Variants in KLF8 observed in about 807,000 individuals in gnomAD.
KLF8 encodes the protein Krueppel-like factor 8.
Under a neutral mutation model 18.2 loss-of-function variants are expected in KLF8, and 10 were observed. That is an observed-to-expected ratio of 0.55 (90% CI 0.34 to 0.93). KLF8 has a LOEUF of 0.93. Among genes scored for constraint, KLF8 ranks in the 40% least tolerant of loss-of-function variants. The pLI, the probability that KLF8 is intolerant of heterozygous loss-of-function variation, is 0.02. For synonymous variants in KLF8, 109 were observed against 97.3 expected (o/e 1.12, Z -0.71); for missense variants, 264 against 277.9 (o/e 0.95, Z 0.36).
rs978177461 is a variant in KLF8 at position 56,290,942 on chromosome X, C to A, written c.*6448C>A. ...AAAGCTCTCCTTCCTTTCCTAGAGTCGCTACAAGTAGCTGTGTTGGACATT... is the reference window on the plus strand; with the variant it reads ...AAAGCTCTCCTTCCTTTCCTAGAGTAGCTACAAGTAGCTGTGTTGGACATT... On this transcript the variant is annotated 3_prime_UTR_variant, in exon 6 of 6. Transcript: ENST00000468660. Among the ~76,000 whole-genome samples, 6 of 111,393 alleles carry A rather than the reference C, an allele frequency of 5.4e-5. No homozygotes were observed. Among genetic ancestry groups the A allele is most frequent in the South Asian group, 3.8e-4 (1 of 2,656 alleles).
the KLF8 span, among the ~76,000 whole-genome samples, chrX:56,184,233 C>T: frequency 8.9e-6 from 1 of 112,340 alleles, no homozygotes; most frequent in African/African-American, 3.2e-5. Flanking sequence ...CTGCACCTGG[C>T]TCAGAGAGTC....
At chrX:56,114,758 A>G in the KLF8 span, among the ~76,000 whole-genome samples, 1 of 113,035 alleles carries the variant, frequency 8.8e-6, no homozygotes, top group African/African-American at 3.2e-5. Context: ...TATTTCCCCA[A>G]GTTGCCTCAG....
the KLF8 span, among the ~76,000 whole-genome samples, chrX:56,170,790 T>A: frequency 1.8e-5 from 2 of 110,637 alleles, no homozygotes; most frequent in Non-Finnish European, 3.8e-5. Flanking sequence ...ACAGAGAACT[T>A]CCCTAAACTA....
rs768362122 is a variant in KLF8, at chrX:56,267,054, C to T, written c.646+1310C>T. The stretch of plus-strand genomic sequence containing the variant: ...AAACAAAAAAGGAAATAAAATTCCT[C>T]GTGTGACAGTTTATGCTGAGATAAA... On this transcript the variant is annotated intron_variant, in intron 3 of 5. Transcript: ENST00000468660. 123 of 752,323 alleles carry T rather than the reference C, an allele frequency of 1.6e-4. No individual in the cohort carries two copies. The African/African-American group carries it at 2.8e-3, about 17-fold the overall frequency. 62.0% of individuals were successfully genotyped at this position (752,323 alleles called of 1,213,427 possible).
At chrX:56,101,761 C>T in the KLF8 span, among the ~76,000 whole-genome samples, 1 of 111,792 alleles carries the variant, frequency 8.9e-6, no homozygotes, top group African/African-American at 3.2e-5. Flanking sequence ...TTGAGAAGTG[C>T]CTGTCCATGT....
chrX:56,235,438 C>A (rs1288740055), intron 1 of KLF8, among the ~76,000 whole-genome samples: 3 of 91,736 alleles, frequency 3.3e-5, no homozygotes, highest in Non-Finnish European at 4.2e-5. Context: ...TTTTTTGACA[C>A]GGTGTTTCGC....
the KLF8 span, among the ~76,000 whole-genome samples, chrX:56,046,953 A>G: frequency 9.0e-6 from 1 of 111,714 alleles, no homozygotes; most frequent in Non-Finnish European, 1.9e-5. Flanking sequence ...TCCCTCCAAT[A>G]TGTTTTCCAA....
the KLF8 span, among the ~76,000 whole-genome samples, chrX:56,013,511 A>G: frequency 9.0e-6 from 1 of 111,692 alleles, no homozygotes; most frequent in Non-Finnish European, 1.9e-5. Flanking sequence ...CAAGGGTGGA[A>G]TGATATGGCT....
chrX:55,975,943 C>G, the KLF8 span, among the ~76,000 whole-genome samples: 3 of 111,077 alleles, frequency 2.7e-5, no homozygotes, highest in African/African-American at 9.8e-5. Context: ...AACACCATCT[C>G]TACTAAAAAT....
chrX:56,077,535 G>C, the KLF8 span, among the ~76,000 whole-genome samples: 2 of 111,980 alleles, frequency 1.8e-5, no homozygotes, highest in South Asian at 7.5e-4. Flanking sequence ...TGCTGATTTG[G>C]TTACTGTAGC....
the KLF8 span, among the ~76,000 whole-genome samples, chrX:56,206,163 A>C: frequency 1.8e-5 from 2 of 111,295 alleles, no homozygotes; most frequent in Admixed American, 9.6e-5. Context: ...CCCTTGACAC[A>C]TGGGGATTAT....
chrX:56,080,362 A>C, the KLF8 span, among the ~76,000 whole-genome samples: 1 of 110,737 alleles, frequency 9.0e-6, no homozygotes, highest in Admixed American at 9.6e-5. Context: ...AAAATCTCTC[A>C]GCATTTGCTT....
At chrX:56,264,327 AGTTTTTTAAACTAATGTATTTATTG>A (rs2066930651) in intron 2 of KLF8, among the ~76,000 whole-genome samples, 17 of 111,002 alleles carry the variant, frequency 1.5e-4, no homozygotes, top group Admixed American at 1.1e-3. Context: ...TGTATTTATT[AGTTTTTTAAACTAATGTATTTATTG>A]GTTTTTTAAA....
the KLF8 span, among the ~76,000 whole-genome samples, chrX:56,020,873 TCAC>T: frequency 8.9e-6 from 1 of 112,058 alleles, no homozygotes; most frequent in Non-Finnish European, 1.9e-5. Context: ...ACTGAACTAA[TCAC>T]CATTCCAATA....
chrX:56,064,186 T>G, the KLF8 span, among the ~76,000 whole-genome samples: 1 of 108,153 alleles, frequency 9.2e-6, no homozygotes, highest in African/African-American at 3.4e-5. Flanking sequence ...GGATGCAGTC[T>G]TGTGTGGGTC....
the KLF8 span, among the ~76,000 whole-genome samples, chrX:56,178,307 C>T: frequency 2.7e-5 from 3 of 112,525 alleles, no homozygotes; most frequent in African/African-American, 9.7e-5. Flanking sequence ...TGTTGATATC[C>T]TTCACCCACT....
the KLF8 span, among the ~76,000 whole-genome samples, chrX:56,083,120 C>T: frequency 9.0e-6 from 1 of 111,542 alleles, no homozygotes; most frequent in Non-Finnish European, 1.9e-5. Flanking sequence ...AATTTTTCTG[C>T]CCCTTTCATG....
the KLF8 span, among the ~76,000 whole-genome samples, chrX:56,065,021 A>G: frequency 7.2e-5 from 8 of 111,370 alleles, no homozygotes; most frequent in East Asian, 2.2e-3. Flanking sequence ...GGTTTTTAGA[A>G]TTCTCTCTTT....
chrX:56,225,251 G>A, the KLF8 span, among the ~76,000 whole-genome samples: 10 of 111,031 alleles, frequency 9.0e-5, no homozygotes, highest in East Asian at 1.4e-3. Flanking sequence ...TGGGGTGACC[G>A]TCCTTTGTTT....
Sources: allele counts gnomAD v4.1 joint callset (sites outside exome capture counted in the v4.1 genomes callset), GRCh38; gene constraint gnomAD v4.1.1; transcripts MANE v1.5; gene names NCBI Gene and HGNC (gene_info 2026-07-23, HGNC 2026-07-21).